LACTB2: variants seen among roughly 807,000 people sequenced by gnomAD.
LACTB2 encodes lactamase beta 2, also known as endoribonuclease LACTB2.
A neutral mutation model predicts 34.8 loss-of-function variants in LACTB2; 32 were observed. The ratio of observed to expected loss-of-function variants is 0.92; its 90% CI spans 0.69 to 1.24. The LOEUF (loss-of-function observed/expected upper bound fraction) is 1.24. LACTB2 is among the 50% of genes most tolerant of loss of function. The probability of loss-of-function intolerance (pLI) is 0.00; values close to 1 mark genes in which losing one functional copy is unlikely to be tolerated. For missense variants in LACTB2, 320 were observed against 345.0 expected (o/e 0.93, Z 0.57); for synonymous variants, 120 against 117.5 (o/e 1.02, Z -0.14).
At chr8:70,663,729 G>A (rs1164807856) in intron 1 of LACTB2, among the ~76,000 whole-genome samples, 1 of 152,190 alleles carries the variant, frequency 6.6e-6, no homozygotes, top group East Asian at 1.9e-4. Flanking sequence ...AATTTGAGAT[G>A]AGTTTGACTC....
At chr8:70,651,709 A>C (rs900620866) in intron 3 of LACTB2, 1 of 152,194 alleles carries the variant, frequency 6.6e-6, no homozygotes, top group African/African-American at 2.4e-5. Context: ...CACAGAAAAC[A>C]AGTAGCAGGG....
chr8:70,650,333 TA>T (rs998670218), intron 3 of LACTB2, among the ~76,000 whole-genome samples: 1 of 152,132 alleles, frequency 6.6e-6, no homozygotes, highest in African/African-American at 2.4e-5. Context: ...GAAGCTCTAG[TA>T]AAAAGATGTG....
At chr8:70,643,861 T>C (rs1261333534) in intron 4 of LACTB2, among the ~76,000 whole-genome samples, 1 of 151,978 alleles carries the variant, frequency 6.6e-6, no homozygotes, top group African/African-American at 2.4e-5. Flanking sequence ...CAAGCCAAAA[T>C]GAACCTTCCT....
chr8:70,661,618 A>AT, intron 2 of LACTB2, 116 bp downstream of exon 2: 1 of 850,390 alleles, frequency 1.2e-6, no homozygotes, highest in Admixed American at 2.7e-5. Context: ...TAAAAGTACC[A>AT]TTTAAAACTG....
At chr8:70,656,564 T>C (rs763515469) in intron 3 of LACTB2, among the ~76,000 whole-genome samples, 1 of 152,238 alleles carries the variant, frequency 6.6e-6, no homozygotes, top group African/African-American at 2.4e-5. Context: ...ATTGGTACCA[T>C]GCTGTTTTGG....
At chr8:70,640,331 A>G (rs553278221) in intron 5 of LACTB2, among the ~76,000 whole-genome samples, 3 of 152,198 alleles carry the variant, frequency 2.0e-5, no homozygotes, top group Non-Finnish European at 2.9e-5. Flanking sequence ...CATTTGCTGA[A>G]AAACTGAATT....
intron 5 of LACTB2, 32 bp downstream of exon 5, chr8:70,640,870 G>T (rs762290573): frequency 6.6e-7 from 1 of 1,522,270 alleles, no homozygotes; most frequent in South Asian, 1.3e-5. Context: ...ATAAATTTGT[G>T]GCTACATACA....
At chr8:70,668,913 T>G in intron 1 of LACTB2, 86 bp downstream of exon 1, 2 of 1,524,168 alleles carry the variant, frequency 1.3e-6, no homozygotes, top group Non-Finnish European at 8.8e-7. Flanking sequence ...CGCGGCGCTC[T>G]CCACTGCCCG....
chr8:70,638,662 T>TC, intron 5 of LACTB2, 33 bp from the exon 6 acceptor site: 1 of 1,362,466 alleles, frequency 7.3e-7, no homozygotes, highest in Non-Finnish European at 9.7e-7. Flanking sequence ...AAAAATTCCT[T>TC]TTTTTTTAAA....
chr8:70,667,874 A>G (rs1818553704), intron 1 of LACTB2, among the ~76,000 whole-genome samples: 1 of 152,228 alleles, frequency 6.6e-6, no homozygotes, highest in African/African-American at 2.4e-5. Context: ...GGTATTGACT[A>G]GTTCAAGATG....
At chr8:70,660,560 G>T in intron 2 of LACTB2, 1 of 454,738 alleles carries the variant, frequency 2.2e-6, no homozygotes, top group South Asian at 1.6e-5. Context: ...AAATAAGCAT[G>T]AATGTTCTTG....
intron 2 of LACTB2, among the ~76,000 whole-genome samples, chr8:70,659,701 CAATT>C (rs1198977786): frequency 2.0e-5 from 3 of 152,082 alleles, no homozygotes; most frequent in Non-Finnish European, 2.9e-5. Context: ...CTTTAGTAGA[CAATT>C]AAAAAATCAC....
chr8:70,660,156 G>A (rs570448455), intron 2 of LACTB2: 1 of 145,576 alleles, frequency 6.9e-6, no homozygotes, highest in East Asian at 2.1e-4. Flanking sequence ...GTTTCACTTT[G>A]TAGCTCAGGC....
chr8:70,645,053 T>C (rs75387951), intron 3 of LACTB2, among the ~76,000 whole-genome samples: 1 of 151,906 alleles, frequency 6.6e-6, no homozygotes, highest in South Asian at 2.1e-4. Flanking sequence ...CATCATTTTA[T>C]ATATATATAT....
At chr8:70,668,974 G>C in intron 1 of LACTB2, 25 bp downstream of exon 1, 6 of 1,566,150 alleles carry the variant, frequency 3.8e-6, no homozygotes, top group Non-Finnish European at 5.2e-6. Context: ...TGCGAACGTT[G>C]GGGAGGTTGG....
chr8:70,659,602 T>C (rs751370300), intron 2 of LACTB2, among the ~76,000 whole-genome samples: 2 of 152,222 alleles, frequency 1.3e-5, no homozygotes, highest in African/African-American at 2.4e-5. Flanking sequence ...GATTGAGATA[T>C]TGAGGTTTTT....
intron 3 of LACTB2, among the ~76,000 whole-genome samples, chr8:70,648,429 T>C (rs1392608537): frequency 3.9e-5 from 6 of 152,058 alleles, no homozygotes; most frequent in Admixed American, 3.3e-4. Flanking sequence ...ATTAGGTTAG[T>C]ATAAAAGCAA....
chr8:70,663,342 C>T (rs977667367), intron 1 of LACTB2: 4 of 152,194 alleles, frequency 2.6e-5, no homozygotes, highest in Non-Finnish European at 5.9e-5. Context: ...CCCTGAGACC[C>T]AGAGCCAACA....
chr8:70,643,914 C>T, intron 4 of LACTB2, 151 bp downstream of exon 4: 1 of 612,122 alleles, frequency 1.6e-6, no homozygotes, highest in Non-Finnish European at 2.4e-6. Context: ...AAAAACTACC[C>T]ACTTTGGCAT....
Sources: allele counts gnomAD v4.1 joint callset (sites outside exome capture counted in the v4.1 genomes callset), GRCh38; gene constraint gnomAD v4.1.1; transcripts MANE v1.5; gene names NCBI Gene and HGNC (gene_info 2026-07-23, HGNC 2026-07-21).